JMY: variants seen among roughly 807,000 people sequenced by gnomAD.
JMY encodes junction-mediating and -regulatory protein.
In JMY, 46 loss-of-function variants were observed where a neutral mutation model predicts 103.3. The ratio of observed to expected loss-of-function variants is 0.45; its 90% CI spans 0.35 to 0.57. The LOEUF is 0.57. JMY is among the 20% of genes least tolerant of loss of function. The pLI is 0.00. For synonymous variants in JMY, 526 were observed against 489.3 expected (o/e 1.07, Z -0.99); for missense variants, 1,238 against 1,255.2 (o/e 0.99, Z 0.21).
At chr5:79,309,808 A>G (rs1282203459) in intron 7 of JMY, among the ~76,000 whole-genome samples, 2 of 152,182 alleles carry the variant, frequency 1.3e-5, no homozygotes, top group Non-Finnish European at 2.9e-5. Context: ...CTGCTTTATA[A>G]GATTAGTCAG....
At position 79,300,724 on chromosome 5, in the gene JMY, C is replaced by T. The variant is rs1339551047; in HGVS notation, c.1742C>T (p.Ala581Val). Residue 581 changes from alanine (A) to valine (V), a missense_variant, in exon 6 of 11, where the codon GCC (alanine) becomes GTC (valine). Coordinates refer to ENST00000396137, the MANE Select transcript of JMY (RefSeq NM_152405.5). ...TATGACACTTACGAAAGCATGGAGG[C>T]CATGCTGGAGAAGGAAGAGATGGCA... is the stretch of plus-strand genomic sequence containing the variant. ...VYYDTYESME[A>V]MLEKEEMAAS... The T allele has an allele frequency of 3.7e-6, 6 of 1,610,418 alleles. No homozygotes were observed. The highest frequency in any genetic ancestry group is 2.2e-5 in the East Asian group (1 of 44,662).
intron 7 of JMY, among the ~76,000 whole-genome samples, chr5:79,307,390 C>T (rs553791585): frequency 6.6e-6 from 1 of 152,268 alleles, no homozygotes; most frequent in African/African-American, 2.4e-5. Flanking sequence ...TCAGGTTTTT[C>T]CACATCCTCT....
intron 2 of JMY, chr5:79,284,044 A>AGTAC: frequency 5.3e-6 from 3 of 568,926 alleles, no homozygotes; most frequent in Non-Finnish European, 5.1e-6. Context: ...CAAGGTACAA[A>AGTAC]TTACTTTCTT....
Position 79,306,383 on chromosome 5 carries a change from T to C in JMY, c.1890T>C (p.Cys630=). 1 of 1,609,154 alleles carries C rather than the reference T, an allele frequency of 6.2e-7. No individual in the cohort carries two copies. Among genetic ancestry groups the C allele is most frequent in the South Asian group, 1.1e-5 (1 of 90,938 alleles). The change falls in exon 7 of 11, where the codon TGT becomes TGC. Residue 630 remains cysteine (C), a synonymous_variant. Coordinates refer to ENST00000396137, the MANE Select transcript of JMY (RefSeq NM_152405.5). ...ATTTTATGTATTTACAGGAAATATGTATTGCAAAACACAATGAAAAAATCC... is the reference window on the plus strand; with the variant it reads ...ATTTTATGTATTTACAGGAAATATGCATTGCAAAACACAATGAAAAAATCC... ...KSYLRNKKEI[C]IAKHNEKIQQ...
Position 79,255,987 on chromosome 5 carries a change from AAGCC to A in JMY, c.1032+18316_1032+18319del, listed in dbSNP as rs745467622. ...AGGGCTCTACAATCAGCAAGTGGCA[AAGCC>A]AGCCAGCCAGGCCTGTGCCCTTCCC... On this transcript the variant is annotated intron_variant, in intron 1 of 10. Coordinates refer to ENST00000396137, the MANE Select transcript of JMY (RefSeq NM_152405.5). Among the ~76,000 whole-genome samples the A allele has an allele frequency of 1.1e-3, 168 of 152,350 alleles. 1 individual carries two copies. The highest frequency in any genetic ancestry group is 3.9e-4 in the East Asian group (2 of 5,180).
chr5:79,259,663 G>T (rs1006548454), intron 1 of JMY, among the ~76,000 whole-genome samples: 12 of 152,226 alleles, frequency 7.9e-5, no homozygotes, highest in Admixed American at 6.5e-5. Context: ...AAGTGGCAGG[G>T]GCTGGTGTGT....
At chr5:79,278,901 C>A (rs886714919) in intron 2 of JMY, among the ~76,000 whole-genome samples, 1 of 151,232 alleles carries the variant, frequency 6.6e-6, no homozygotes, top group Non-Finnish European at 1.5e-5. Context: ...AGTTCTGGGA[C>A]TACAGGTGTG....
intron 7 of JMY, 69 bp downstream of exon 7, chr5:79,306,530 G>GT (rs746422785): frequency 5.1e-4 from 540 of 1,057,760 alleles, no homozygotes; most frequent in Non-Finnish European, 7.2e-4. Context: ...GATAAAATCT[G>GT]TAGAGAATGA....
chr5:79,248,152 A>G (rs553149565), intron 1 of JMY, among the ~76,000 whole-genome samples: 5 of 151,824 alleles, frequency 3.3e-5, no homozygotes, highest in African/African-American at 1.2e-4. Flanking sequence ...CGGCCTCCCA[A>G]AGTGCTGGGA....
In JMY at chr5:79,323,391, G is replaced by A. The variant is rs974594954; in HGVS notation, c.*1789G>A. Reference sequence around the variant, plus strand: ...CTTATCTGGGAAGATTAGAAATACAGATGTAATATGGAAGCTTCAACAGCA... The same window carrying A: ...CTTATCTGGGAAGATTAGAAATACAAATGTAATATGGAAGCTTCAACAGCA... On this transcript the variant is annotated 3_prime_UTR_variant, in exon 11 of 11. Coordinates refer to ENST00000396137, the MANE Select transcript of JMY (RefSeq NM_152405.5). 6.6e-6 allele frequency: 1 copy of A among 152,214 alleles called. No individual in the cohort carries two copies. The highest frequency in any genetic ancestry group is 1.5e-5 in the Non-Finnish European group (1 of 68,032). 9.4% of individuals were successfully genotyped at this position (152,214 alleles called of 1,614,324 possible). A position where few individuals can be genotyped will look rare whatever the true frequency, so the allele number is the denominator to read the frequency against.
chr5:79,296,502 G>C (rs1746567404), intron 4 of JMY, among the ~76,000 whole-genome samples: 2 of 152,150 alleles, frequency 1.3e-5, no homozygotes, highest in African/African-American at 4.8e-5. Context: ...TTAAAAAAAA[G>C]ATATAGCCTT....
chr5:79,269,982 CTGCCTCCCAGA>C (rs1745696451), intron 1 of JMY, among the ~76,000 whole-genome samples: 1 of 152,050 alleles, frequency 6.6e-6, no homozygotes, highest in African/African-American at 2.4e-5. Flanking sequence ...TCTCCTGCCT[CTGCCTCCCAGA>C]GGGGTGAGAT....
In JMY at chr5:79,257,080, T is replaced by A. The variant is rs181318249; in HGVS notation, c.1032+19398T>A. 2.8e-3 allele frequency among the ~76,000 whole-genome samples: 424 copies of A among 151,862 alleles called. 1 individual carries two copies. The highest frequency in any genetic ancestry group is 3.0e-3 in the Non-Finnish European group (202 of 67,956). ...TTATTATTTTATTTGATTTTATTTT[T>A]TTTTTTGAGATGGAGTCTCACTCAC... On this transcript the variant is annotated intron_variant, in intron 1 of 10. Coordinates refer to ENST00000396137, the MANE Select transcript of JMY (RefSeq NM_152405.5).
At chr5:79,308,398 G>A (rs1472567690) in intron 7 of JMY, among the ~76,000 whole-genome samples, 1 of 152,168 alleles carries the variant, frequency 6.6e-6, no homozygotes, top group Non-Finnish European at 1.5e-5. Context: ...TTTGTGAAGG[G>A]TATAAGGTTT....
intron 6 of JMY, among the ~76,000 whole-genome samples, chr5:79,304,882 T>A: frequency 6.6e-6 from 1 of 152,224 alleles, no homozygotes; most frequent in East Asian, 1.9e-4. Flanking sequence ...GAACCAACGC[T>A]TCTGGTAGTG....
chr5:79,307,259 T>A (rs1746912578), intron 7 of JMY, among the ~76,000 whole-genome samples: 1 of 152,184 alleles, frequency 6.6e-6, no homozygotes, highest in Non-Finnish European at 1.5e-5. Flanking sequence ...TTTGGGTAAA[T>A]AACAAGGAGC....
chr5:79,307,080 T>G (rs1746907616), intron 7 of JMY, among the ~76,000 whole-genome samples: 1 of 152,254 alleles, frequency 6.6e-6, no homozygotes, highest in Admixed American at 6.5e-5. Context: ...TCTTCATGGC[T>G]TGATAGCTCA....
At chr5:79,300,888 T>C (rs1451361910) in intron 6 of JMY, 25 bp downstream of exon 6, 1 of 1,547,582 alleles carries the variant, frequency 6.5e-7, no homozygotes, top group South Asian at 1.2e-5. Context: ...CTTTTGTTCA[T>C]TATTTAGTCT....
chr5:79,302,678 C>T (rs1473289882), intron 6 of JMY, among the ~76,000 whole-genome samples: 2 of 152,138 alleles, frequency 1.3e-5, no homozygotes, highest in Non-Finnish European at 2.9e-5. Flanking sequence ...ATTTTACATA[C>T]CACATTAACA....
Sources: allele counts gnomAD v4.1 joint callset (sites outside exome capture counted in the v4.1 genomes callset), GRCh38; gene constraint gnomAD v4.1.1; transcripts MANE v1.5; gene names NCBI Gene and HGNC (gene_info 2026-07-23, HGNC 2026-07-21).